The following KIRREL3 variants were observed in gnomAD, a reference collection of about 807,000 sequenced individuals.
KIRREL3 encodes the protein kin of IRRE-like protein 3.
KIRREL3 carries 36 observed loss-of-function variants against 89.7 expected under a neutral mutation model. The ratio of observed to expected loss-of-function variants is 0.40; its 90% CI spans 0.31 to 0.53. The LOEUF is 0.53. Ranked by LOEUF, KIRREL3 falls within the 20% of genes least tolerant of loss-of-function variation. The pLI, the probability that KIRREL3 is intolerant of heterozygous loss-of-function variation, is 0.49. For missense variants in KIRREL3, 864 were observed against 1,056.6 expected (o/e 0.82, Z 2.53); for synonymous variants, 445 against 441.4 (o/e 1.01, Z -0.10).
At chr11:126,706,210 T>C (rs1479232643) in intron 1 of KIRREL3, among the ~76,000 whole-genome samples, 1 of 152,178 alleles carries the variant, frequency 6.6e-6, no homozygotes, top group African/African-American at 2.4e-5. Flanking sequence ...TGGCTATATT[T>C]TGGGATAGTT....
chr11:126,451,621 T>C (rs1333449559), intron 7 of KIRREL3, among the ~76,000 whole-genome samples: 1 of 150,774 alleles, frequency 6.6e-6, no homozygotes, highest in Non-Finnish European at 1.5e-5. Context: ...TGTGTGCATG[T>C]GTGTCCATGT....
intron 1 of KIRREL3, among the ~76,000 whole-genome samples, chr11:126,774,207 G>A (rs1318452650): frequency 6.8e-6 from 1 of 146,548 alleles, no homozygotes; most frequent in Non-Finnish European, 1.5e-5. Context: ...GGGATAGGAA[G>A]TAGAGAAGAG....
rs1941186502 is a variant in KIRREL3 at position 126,575,104 on chromosome 11, T to C, written c.56-12192A>G. 6.6e-6 allele frequency among the ~76,000 whole-genome samples: 1 copy of C among 152,162 alleles called. No homozygotes were observed. The highest frequency in any genetic ancestry group is 2.1e-4 in the South Asian group (1 of 4,824). On this transcript the variant is annotated intron_variant, in intron 1 of 16. Coordinates refer to ENST00000525144, the MANE Select transcript of KIRREL3 (RefSeq NM_032531.4). This position sits in a 1 kb window ranked among gnomAD's most constrained non-coding sequence, Gnocchi z 7.0. ...ACTGCAGGAGAATTTATACTTCTTG[T>C]TCATCTGGAGAAAGTTCTCTGGCCA... is the stretch of plus-strand genomic sequence containing the variant.
Position 126,664,954 on chromosome 11 carries a change from C to T in KIRREL3, c.56-102042G>A, listed in dbSNP as rs1355861974. Among the ~76,000 whole-genome samples, 1 of 152,308 alleles carries T rather than the reference C, an allele frequency of 6.6e-6. No individual in the cohort carries two copies. Among genetic ancestry groups the T allele is most frequent in the South Asian group, 2.1e-4 (1 of 4,824 alleles). On this transcript the variant is annotated intron_variant, in intron 1 of 16. Coordinates refer to ENST00000525144, the MANE Select transcript of KIRREL3 (RefSeq NM_032531.4). The surrounding 1 kb of genome is among the most constrained non-coding windows in gnomAD (Gnocchi z 5.4). ...AACTGTGCTCTTACTCTGCAGCCTTCGACACATTATTCATAACATGATGAT... is the reference window on the plus strand; with the variant it reads ...AACTGTGCTCTTACTCTGCAGCCTTTGACACATTATTCATAACATGATGAT...
intron 7 of KIRREL3, among the ~76,000 whole-genome samples, chr11:126,449,577 A>G (rs1374394932): frequency 1.3e-5 from 2 of 152,228 alleles, no homozygotes; most frequent in Non-Finnish European, 2.9e-5. Flanking sequence ...CCATGACCTC[A>G]GAGGCCAGGG....
rs2134939419 is a variant in KIRREL3, at chr11:126,643,408, G to A, written c.56-80496C>T. ...GAAGGATGGAATTTGAGATGGTCTTGAAGAGGATTTTAACACATGCAGATG... is the reference window on the plus strand; with the variant it reads ...GAAGGATGGAATTTGAGATGGTCTTAAAGAGGATTTTAACACATGCAGATG... On this transcript the variant is annotated intron_variant, in intron 1 of 16. Transcript: ENST00000525144. The surrounding 1 kb of genome is among the most constrained non-coding windows in gnomAD (Gnocchi z 4.5). Among the ~76,000 whole-genome samples, 2 of 152,312 alleles carry A rather than the reference G, an allele frequency of 1.3e-5. No homozygotes were observed. Among genetic ancestry groups the A allele is most frequent in the Middle Eastern group, 6.8e-3 (2 of 294 alleles).
rs182484499 is a variant in KIRREL3, at chr11:126,443,929, G to A, written c.1252+1050C>T. Among the ~76,000 whole-genome samples the A allele has an allele frequency of 9.7e-4, 147 of 152,288 alleles. 3 individuals carry two copies. The highest frequency in any genetic ancestry group is 3.3e-3 in the African/African-American group (136 of 41,572). On this transcript the variant is annotated intron_variant, in intron 10 of 16. Coordinates refer to ENST00000525144, the MANE Select transcript of KIRREL3 (RefSeq NM_032531.4). This position sits in a 1 kb window ranked among gnomAD's most constrained non-coding sequence, Gnocchi z 7.3. ...AGTGGGCATGACAGAGGTGAGGGGG[G>A]AGCATTCGGAAACGGCAGAGGAATC...
chr11:126,836,910 G>T (rs952932795), intron 1 of KIRREL3, among the ~76,000 whole-genome samples: 3 of 152,172 alleles, frequency 2.0e-5, no homozygotes, highest in African/African-American at 7.2e-5. Flanking sequence ...ACTTATTTGT[G>T]TGCTGCCTTC....
intron 1 of KIRREL3, among the ~76,000 whole-genome samples, chr11:126,660,005 A>G (rs1945320961): frequency 1.3e-5 from 2 of 152,230 alleles, no homozygotes; most frequent in Admixed American, 6.5e-5. Context: ...CTTGAAAAGC[A>G]TGATAAAAAT....
intron 1 of KIRREL3, among the ~76,000 whole-genome samples, chr11:126,833,064 G>T (rs1212767143): frequency 6.6e-6 from 1 of 152,142 alleles, no homozygotes; most frequent in Non-Finnish European, 1.5e-5. Flanking sequence ...TCTCACTGCT[G>T]TTATCCTCAT....
chr11:126,445,429 C>T (rs1269030160), intron 9 of KIRREL3, among the ~76,000 whole-genome samples: 4 of 152,216 alleles, frequency 2.6e-5, no homozygotes, highest in South Asian at 2.1e-4. Context: ...TCCAGGTTTC[C>T]TCCTACAGGA....
In KIRREL3 at chr11:126,669,911, C is replaced by T. The variant is rs1945858359; in HGVS notation, c.56-106999G>A. On this transcript the variant is annotated intron_variant, in intron 1 of 16. Coordinates refer to ENST00000525144, the MANE Select transcript of KIRREL3 (RefSeq NM_032531.4). This position sits in a 1 kb window ranked among gnomAD's most constrained non-coding sequence, Gnocchi z 5.0. ...ACAGACTTGTAGCCCCCACCCTGCA[C>T]ATCTGTCTCTCTCCCAGTCTTCAGC... 6.6e-6 allele frequency among the ~76,000 whole-genome samples: 1 copy of T among 152,184 alleles called. No individual in the cohort carries two copies. Among genetic ancestry groups the T allele is most frequent in the African/African-American group, 2.4e-5 (1 of 41,442 alleles).
rs549058447 is a variant in KIRREL3 at position 126,983,393 on chromosome 11, A to C, written c.55+17062T>G. ...CTTTGGTTCTTGCGGTAGACAGAAT[A>C]ATGGCCGCCAAAGATGCCCATGTCC... On this transcript the variant is annotated intron_variant, in intron 1 of 16. Transcript: ENST00000525144. The surrounding 1 kb of genome is among the most constrained non-coding windows in gnomAD (Gnocchi z 4.9). Among the ~76,000 whole-genome samples, 74 of 152,336 alleles carry C rather than the reference A, an allele frequency of 4.9e-4. No individual in the cohort carries two copies. Among genetic ancestry groups the C allele is most frequent in the Non-Finnish European group, 7.2e-4 (49 of 68,034 alleles).
chr11:126,845,546 C>A (rs1217830055), intron 1 of KIRREL3, among the ~76,000 whole-genome samples: 1 of 152,078 alleles, frequency 6.6e-6, no homozygotes, highest in Admixed American at 6.6e-5. Context: ...CCCCAAAAAC[C>A]TGCTGTTCAA....
intron 1 of KIRREL3, among the ~76,000 whole-genome samples, chr11:126,933,611 A>T (rs906803570): frequency 1.3e-5 from 2 of 152,060 alleles, no homozygotes; most frequent in Admixed American, 1.3e-4. Context: ...GCAAGTTCAC[A>T]AGATCAATAC....
At chr11:126,799,478 G>T (rs76402264) in intron 1 of KIRREL3, among the ~76,000 whole-genome samples, 8 of 146,164 alleles carry the variant, frequency 5.5e-5, no homozygotes, top group African/African-American at 1.8e-4. Context: ...GTATCTGTGT[G>T]TGTGCATGTG....
At chr11:126,922,424 C>T (rs970571063) in intron 1 of KIRREL3, among the ~76,000 whole-genome samples, 12 of 152,002 alleles carry the variant, frequency 7.9e-5, no homozygotes, top group African/African-American at 9.7e-5. Context: ...AAACAGAAGC[C>T]GACAGATAAG....
rs1344315988 is a variant in KIRREL3, at chr11:126,555,147, A to T, written c.133+7688T>A. The stretch of plus-strand genomic sequence containing the variant: ...GTGCCGAGAGGGCAGGAGCTTGGAC[A>T]CTGCTGTGGGGCCGCACAGAGCCTG... On this transcript the variant is annotated intron_variant, in intron 2 of 16. Coordinates refer to ENST00000525144, the MANE Select transcript of KIRREL3 (RefSeq NM_032531.4). The surrounding 1 kb of genome is among the most constrained non-coding windows in gnomAD (Gnocchi z 4.2). 6.6e-6 allele frequency among the ~76,000 whole-genome samples: 1 copy of T among 152,156 alleles called. No homozygotes were observed. The highest frequency in any genetic ancestry group is 1.9e-4 in the East Asian group (1 of 5,188).
Position 126,867,095 on chromosome 11 carries a change from C to T in KIRREL3, c.55+133360G>A, listed in dbSNP as rs1272739430. ...CTGTAACACACGCCCACTGGGGCTT[C>T]AGGAGCTGTAAACACTCAACCCTAC... On this transcript the variant is annotated intron_variant, in intron 1 of 16. Coordinates refer to ENST00000525144, the MANE Select transcript of KIRREL3 (RefSeq NM_032531.4). This position sits in a 1 kb window ranked among gnomAD's most constrained non-coding sequence, Gnocchi z 4.7. Among the ~76,000 whole-genome samples the T allele has an allele frequency of 1.3e-5, 2 of 152,220 alleles. No individual in the cohort carries two copies. Among genetic ancestry groups the T allele is most frequent in the Non-Finnish European group, 2.9e-5 (2 of 68,040 alleles).
Sources: allele counts gnomAD v4.1 joint callset (sites outside exome capture counted in the v4.1 genomes callset), GRCh38; gene constraint gnomAD v4.1.1; non-coding constraint Gnocchi (gnomAD v3.1); transcripts MANE v1.5; gene names NCBI Gene and HGNC (gene_info 2026-07-23, HGNC 2026-07-21).